Variants in ATXN2 observed in about 807,000 individuals in gnomAD.
The protein encoded by ATXN2 is ataxin 2, also known as ataxin-2.
Under a neutral mutation model 138.6 loss-of-function variants are expected in ATXN2, and 37 were observed. That is an observed-to-expected ratio of 0.27 (90% CI 0.21 to 0.35). The LOEUF (loss-of-function observed/expected upper bound fraction) is 0.35. Ranked by LOEUF, ATXN2 falls within the 10% of genes least tolerant of loss-of-function variation. The pLI is 1.00. For missense variants in ATXN2, 1,216 were observed against 1,480.3 expected (o/e 0.82, Z 2.93); for synonymous variants, 549 against 543.7 (o/e 1.01, Z -0.13).
intron 5 of ATXN2, among the ~76,000 whole-genome samples, chr12:111,543,673 A>T (rs767061327): frequency 6.6e-6 from 1 of 152,172 alleles, no homozygotes; most frequent in African/African-American, 2.4e-5. Context: ...GCAGTACAAC[A>T]TTCCATTTTT....
rs1023723330 is a variant in ATXN2, at chr12:111,599,112, G to A, written c.-78C>T. 3.1e-6 allele frequency: 4 copies of A among 1,271,122 alleles called. No individual in the cohort carries two copies. The highest frequency in any genetic ancestry group is 3.0e-6 in the Non-Finnish European group (3 of 1,010,726). 78.7% of individuals were successfully genotyped at this position (1,271,122 alleles called of 1,614,324 possible). On this transcript the variant is annotated 5_prime_UTR_variant, in exon 1 of 25. Transcript: ENST00000673436. ...GGGCGCGCCAAGGAGACGCCGGAAC[G>A]CGGCGGGGACGCGCGGGCGCCGAGC...
intron 6 of ATXN2, 89 bp downstream of exon 6, chr12:111,525,103 A>T (rs1880407222): frequency 1.4e-5 from 21 of 1,480,556 alleles, no homozygotes; most frequent in Non-Finnish European, 1.8e-5. Context: ...TACAATAACA[A>T]CAACAACAAA....
intron 1 of ATXN2, among the ~76,000 whole-genome samples, chr12:111,592,044 T>G (rs1454221528): frequency 2.7e-5 from 4 of 147,930 alleles, no homozygotes; most frequent in Non-Finnish European, 5.9e-5. Flanking sequence ...ATTGCACCAC[T>G]GCACTCCAGC....
chr12:111,510,104 C>T, intron 12 of ATXN2, 106 bp from the exon 13 acceptor site: 1 of 865,768 alleles, frequency 1.2e-6, no homozygotes. Flanking sequence ...ATAATGCTTT[C>T]ATTTAAACAG....
chr12:111,473,279 A>T (rs1004960738), intron 18 of ATXN2, among the ~76,000 whole-genome samples: 3 of 144,100 alleles, frequency 2.1e-5, no homozygotes, highest in African/African-American at 7.7e-5. Context: ...GTCTCCAAAA[A>T]ATTAAAAAAA....
At chr12:111,500,564 A>G (rs1381618022) in intron 14 of ATXN2, among the ~76,000 whole-genome samples, 1 of 152,224 alleles carries the variant, frequency 6.6e-6, no homozygotes, top group Non-Finnish European at 1.5e-5. Flanking sequence ...AATGAAAAAG[A>G]TATTAAAATG....
At chr12:111,464,747 C>T (rs199546037) in intron 20 of ATXN2, 32 bp from the exon 21 acceptor site, 8 of 1,569,870 alleles carry the variant, frequency 5.1e-6, no homozygotes, top group Non-Finnish European at 7.0e-6. Flanking sequence ...GTAAATTAGC[C>T]TTTTGAGGTG....
At chr12:111,497,884 C>T (rs942961103) in intron 14 of ATXN2, among the ~76,000 whole-genome samples, 5 of 151,876 alleles carry the variant, frequency 3.3e-5, no homozygotes, top group African/African-American at 1.2e-4. Flanking sequence ...GGCGTGTTAG[C>T]GGACACCTGT....
At position 111,516,226 on chromosome 12, in the gene ATXN2, G is replaced by A; in HGVS notation, c.1303C>T (p.Pro435Ser). Reference protein sequence around the residue: ...PSRPPSRPSRPPSHPSAHGSP... With the variant: ...PSRPPSRPSRSPSHPSAHGSP... Reference sequence around the variant, plus strand: ...CCATGAGCAGAGGGGTGAGACGGGGGTCTGGATGGCCGCGAGGGGGGCCTG... The same window carrying A: ...CCATGAGCAGAGGGGTGAGACGGGGATCTGGATGGCCGCGAGGGGGGCCTG... The change falls in exon 10 of 25, where the codon CCC (proline) becomes TCC (serine). Residue 435 changes from proline to serine, a missense_variant. Coordinates refer to ENST00000673436, the MANE Select transcript of ATXN2 (RefSeq NM_001372574.1). The surrounding 1 kb of genome is among the most constrained non-coding windows in gnomAD (Gnocchi z 5.0). 6.4e-7 allele frequency: 1 copy of A among 1,574,622 alleles called. No homozygotes were observed. Among genetic ancestry groups the A allele is most frequent in the Non-Finnish European group, 8.6e-7 (1 of 1,166,772 alleles).
intron 14 of ATXN2, among the ~76,000 whole-genome samples, chr12:111,506,137 C>T (rs1879090544): frequency 1.3e-5 from 2 of 152,026 alleles, no homozygotes; most frequent in Admixed American, 1.3e-4. Context: ...TGGAATTTGC[C>T]CCAAATAAGC....
intron 21 of ATXN2, chr12:111,461,179 G>A (rs1444391953): frequency 6.6e-6 from 1 of 152,062 alleles, no homozygotes; most frequent in East Asian, 1.9e-4. Context: ...TTGAAATTGG[G>A]AGAAATGGAG....
intron 21 of ATXN2, 99 bp downstream of exon 21, chr12:111,464,563 C>T (rs1875858150): frequency 2.2e-6 from 2 of 900,004 alleles, no homozygotes; most frequent in Admixed American, 2.3e-5. Flanking sequence ...TTGACTGGCA[C>T]AAGGAAAATA....
intron 14 of ATXN2, among the ~76,000 whole-genome samples, chr12:111,496,883 T>C (rs1878450369): frequency 6.7e-6 from 1 of 150,052 alleles, no homozygotes; most frequent in Admixed American, 6.6e-5. Context: ...AAAGCAGAAA[T>C]AAATAAAATT....
intron 15 of ATXN2, among the ~76,000 whole-genome samples, chr12:111,487,595 G>A (rs1487989137): frequency 6.6e-6 from 1 of 151,874 alleles, no homozygotes; most frequent in Non-Finnish European, 1.5e-5. Context: ...CGAGTAGCTG[G>A]GATACAGGCA....
chr12:111,531,268 G>C (rs1010275527), intron 5 of ATXN2, among the ~76,000 whole-genome samples: 1 of 150,358 alleles, frequency 6.7e-6, no homozygotes, highest in East Asian at 2.0e-4. Flanking sequence ...CAAAAATTAG[G>C]TAGGCGTGGT....
intron 1 of ATXN2, among the ~76,000 whole-genome samples, chr12:111,585,580 G>A (rs1227583912): frequency 6.6e-5 from 10 of 151,446 alleles, no homozygotes; most frequent in African/African-American, 9.7e-5. Flanking sequence ...TGAAGCAGGC[G>A]GATCACCTGA....
intron 14 of ATXN2, among the ~76,000 whole-genome samples, chr12:111,501,587 C>T (rs1016556563): frequency 2.6e-5 from 4 of 152,168 alleles, no homozygotes; most frequent in South Asian, 4.1e-4. Flanking sequence ...TCTGGCGCAT[C>T]GCAAGCTTTA....
chr12:111,548,540 G>T (rs927005249), intron 5 of ATXN2, among the ~76,000 whole-genome samples: 11 of 152,106 alleles, frequency 7.2e-5, no homozygotes, highest in Non-Finnish European at 1.5e-4. Flanking sequence ...TAAAAGCTCA[G>T]AAATGAAATC....
chr12:111,503,635 T>A (rs530875898), intron 14 of ATXN2, among the ~76,000 whole-genome samples: 3 of 152,112 alleles, frequency 2.0e-5, no homozygotes, highest in Admixed American at 1.3e-4. Flanking sequence ...AGATTCTCGC[T>A]CTGTCGCCCA....
Sources: gnomAD v4.1 joint callset for allele counts (sites outside exome capture counted in the v4.1 genomes callset) on GRCh38, gnomAD v4.1.1 for gene constraint, Gnocchi (gnomAD v3.1) non-coding constraint, MANE v1.5 for transcripts, NCBI Gene and HGNC (gene_info 2026-07-23, HGNC 2026-07-21) for gene names.